Variants in FLYWCH1 observed in about 807,000 individuals in gnomAD.
FLYWCH1 encodes FLYWCH-type zinc finger 1.
FLYWCH1 carries 75 observed loss-of-function variants against 66.4 expected under a neutral mutation model. The observed-to-expected ratio is 1.13, with a 90% CI of 0.94 to 1.37. FLYWCH1 has a LOEUF of 1.37. Ranked by LOEUF, FLYWCH1 falls within the 40% of genes most tolerant of loss-of-function variation. The probability of loss-of-function intolerance (pLI) is 0.00; values close to 1 mark genes in which losing one functional copy is unlikely to be tolerated. For missense variants in FLYWCH1, 1,334 were observed against 1,001.8 expected, an observed-to-expected ratio of 1.33 and a Z score of -4.48; for synonymous variants, 595 against 429.9, an observed-to-expected ratio of 1.38 and a Z score of -4.75.
chr16:2,936,417 C>G (rs1295173005), intron 6 of FLYWCH1: 2 of 455,974 alleles, frequency 4.4e-6, no homozygotes, highest in African/African-American at 2.0e-5. Flanking sequence ...CTCTCCATCC[C>G]TCTTGAAGGT....
intron 3 of FLYWCH1, 128 bp from the exon 4 acceptor site, chr16:2,930,282 T>C: frequency 3.0e-6 from 2 of 658,860 alleles, no homozygotes; most frequent in Non-Finnish European, 5.1e-6. Flanking sequence ...GAGTCTGGGC[T>C]TCTTGCTTGG....
At chr16:2,939,048 C>T (rs2071147975) in intron 8 of FLYWCH1, among the ~76,000 whole-genome samples, 1 of 152,112 alleles carries the variant, frequency 6.6e-6, no homozygotes, top group African/African-American at 2.4e-5. Flanking sequence ...ACTGGGATTA[C>T]AGGTGTGCAC....
chr16:2,937,407 T>A (rs765559391), intron 7 of FLYWCH1, 23 bp downstream of exon 7: 238 of 1,508,408 alleles, frequency 1.6e-4, no homozygotes, highest in Non-Finnish European at 2.1e-4. Context: ...GGTGCTGGGC[T>A]GGGTCTGCCT....
At chr16:2,941,102 CAG>C (rs749215939) in intron 9 of FLYWCH1, among the ~76,000 whole-genome samples, 8 of 151,946 alleles carry the variant, frequency 5.3e-5, no homozygotes, top group African/African-American at 1.9e-4. Context: ...AAATCAAAAA[CAG>C]AGAAATTTGG....
In FLYWCH1 at chr16:2,949,013, A is replaced by T. The variant is rs1279945653; in HGVS notation, c.*286A>T. 8.6e-6 allele frequency: 4 copies of T among 464,256 alleles called. No individual in the cohort carries two copies. Among genetic ancestry groups the T allele is most frequent in the Non-Finnish European group, 1.6e-5 (4 of 251,756 alleles). 28.8% of individuals were successfully genotyped at this position (464,256 alleles called of 1,614,324 possible). A position where few individuals can be genotyped will look rare whatever the true frequency, so the allele number is the denominator to read the frequency against. ...TGGAAGACATGACAAAGCTGCCTGG[A>T]CACGGACGCCCCTGCTGTACGGCCA... is the stretch of plus-strand genomic sequence containing the variant. On this transcript the variant is annotated 3_prime_UTR_variant, in exon 10 of 10. Coordinates refer to ENST00000253928, the MANE Select transcript of FLYWCH1 (RefSeq NM_001308068.2).
chr16:2,932,296 A>AAAAAAAAAG, intron 4 of FLYWCH1, among the ~76,000 whole-genome samples: 2 of 138,876 alleles, frequency 1.4e-5, no homozygotes, highest in Non-Finnish European at 3.1e-5. Context: ...AAAAAAAAAA[A>AAAAAAAAAG]GATGGCTGGT....
intron 4 of FLYWCH1, among the ~76,000 whole-genome samples, chr16:2,932,709 T>A (rs921603723): frequency 2.2e-4 from 34 of 152,072 alleles, no homozygotes; most frequent in Non-Finnish European, 4.0e-4. Context: ...GTAGATTTGT[T>A]AAACAAAACC....
Position 2,933,410 on chromosome 16 carries a change from G to T in FLYWCH1, c.1077G>T (p.Gly359=), listed in dbSNP as rs746516562. 2.5e-6 allele frequency: 4 copies of T among 1,601,548 alleles called. No homozygotes were observed. The East Asian group carries it at 9.1e-5, about 36-fold the overall frequency. Residue 359 remains glycine (G), a synonymous_variant, in exon 5 of 10, where the codon GGG becomes GGT. Transcript: ENST00000253928. Reference sequence around the variant, plus strand: ...TGCAGGCTGGGCAGGACGGCCCTGGGAGCCAAGTGGACACGCTGCTCCGAG... The same window carrying T: ...TGCAGGCTGGGCAGGACGGCCCTGGTAGCCAAGTGGACACGCTGCTCCGAG... ...ETLQAGQDGP[G]SQVDTLLRGV...
In FLYWCH1 at chr16:2,916,020, G is replaced by C. The variant is rs1031099599; in HGVS notation, c.-74+1731G>C. Among the ~76,000 whole-genome samples the C allele has an allele frequency of 2.0e-5, 3 of 152,124 alleles. No individual in the cohort carries two copies. In the East Asian group the frequency reaches 5.9e-4, roughly 30 times the overall value. On this transcript the variant is annotated intron_variant, in intron 2 of 9. Coordinates refer to ENST00000253928, the MANE Select transcript of FLYWCH1 (RefSeq NM_001308068.2). ...AAGCCTACCTGAGTTTGCCTGCCTG[G>C]AAGTCTCCATAAGGAAACTTAGACT... is the stretch of plus-strand genomic sequence containing the variant.
intron 2 of FLYWCH1, among the ~76,000 whole-genome samples, chr16:2,925,836 G>A (rs1383430212): frequency 6.6e-6 from 1 of 152,162 alleles, no homozygotes; most frequent in Non-Finnish European, 1.5e-5. Context: ...TCCCCTCTGC[G>A]TTGTCTCCGG....
intron 6 of FLYWCH1, chr16:2,936,774 TCCTCTGACCAACCAGGCACGGCGCAC>T: frequency 2.0e-6 from 1 of 510,268 alleles, no homozygotes; most frequent in Non-Finnish European, 3.8e-6. Context: ...CCCGGGTCAT[TCCTCTGACCAACCAGGCACGGCGCAC>T]CCTGCATGCA....
At chr16:2,918,427 G>A (rs1050685171) in intron 2 of FLYWCH1, among the ~76,000 whole-genome samples, 14 of 151,312 alleles carry the variant, frequency 9.3e-5, no homozygotes, top group African/African-American at 3.4e-4. Flanking sequence ...GATTACAGGC[G>A]TGAGCCACCG....
At chr16:2,916,216 G>C (rs142751960) in intron 2 of FLYWCH1, among the ~76,000 whole-genome samples, 9 of 152,102 alleles carry the variant, frequency 5.9e-5, no homozygotes, top group Non-Finnish European at 1.2e-4. Flanking sequence ...GTGTTGGTGC[G>C]TGCCTGTAAT....
At chr16:2,928,225 C>T (rs973558261) in intron 2 of FLYWCH1, among the ~76,000 whole-genome samples, 2 of 152,196 alleles carry the variant, frequency 1.3e-5, no homozygotes, top group Non-Finnish European at 1.5e-5. Flanking sequence ...TTCCCAGGGA[C>T]GAGCAGGGGA....
At chr16:2,916,980 TAAAAA>T (rs56875032) in intron 2 of FLYWCH1, among the ~76,000 whole-genome samples, 1 of 135,904 alleles carries the variant, frequency 7.4e-6, no homozygotes, top group Admixed American at 7.4e-5. Context: ...CCATCTCTAG[TAAAAA>T]AAAAAAAAAA....
chr16:2,927,285 G>A (rs1355148650), intron 2 of FLYWCH1, among the ~76,000 whole-genome samples: 1 of 152,168 alleles, frequency 6.6e-6, no homozygotes, highest in African/African-American at 2.4e-5. Context: ...TAGAAAACAG[G>A]GAGATCTTGA....
At chr16:2,938,585 A>C in intron 8 of FLYWCH1, 129 bp downstream of exon 8, 1 of 779,676 alleles carries the variant, frequency 1.3e-6, no homozygotes, top group Non-Finnish European at 1.8e-6. Context: ...ATTCATATAA[A>C]CAGAATGTGA....
At chr16:2,932,767 T>TGAGTCC (rs1464500953) in intron 4 of FLYWCH1, among the ~76,000 whole-genome samples, 1 of 152,156 alleles carries the variant, frequency 6.6e-6, no homozygotes, top group African/African-American at 2.4e-5. Flanking sequence ...CCACTGAGTC[T>TGAGTCC]GAGTCCAGGT....
In FLYWCH1 at chr16:2,949,558, CAGAG is replaced by C. The variant is rs2071616393; in HGVS notation, c.*832_*835del. 1 of 152,212 alleles carries C rather than the reference CAGAG, an allele frequency of 6.6e-6. No individual in the cohort carries two copies. Among genetic ancestry groups the C allele is most frequent in the Non-Finnish European group, 1.5e-5 (1 of 68,076 alleles). The allele number at this position is 152,212 out of a possible 1,614,324, so 9.4% of individuals were successfully genotyped here. ...CTTCACAGAGTGTGGCTTCACCAGT[CAGAG>C]GGAGCAGTCCGGAGAGGCAAGATGA... On this transcript the variant is annotated 3_prime_UTR_variant, in exon 10 of 10. Transcript: ENST00000253928.
Sources: allele counts gnomAD v4.1 joint callset (sites outside exome capture counted in the v4.1 genomes callset), GRCh38; gene constraint gnomAD v4.1.1; transcripts MANE v1.5; gene names NCBI Gene and HGNC (gene_info 2026-07-23, HGNC 2026-07-21).